Variants in PRKCE observed in about 807,000 individuals in gnomAD.
PRKCE encodes protein kinase C epsilon.
Under a neutral mutation model 85.4 loss-of-function variants are expected in PRKCE, and 16 were observed. That is an observed-to-expected ratio of 0.19 (90% CI 0.13 to 0.28). PRKCE has a LOEUF of 0.28. PRKCE is among the 10% of genes least tolerant of loss of function. The pLI is 1.00. For missense variants in PRKCE, 573 were observed against 975.2 expected, an observed-to-expected ratio of 0.59 and a Z score of 5.49; for synonymous variants, 388 against 371.5, an observed-to-expected ratio of 1.04 and a Z score of -0.51.
intron 2 of PRKCE, among the ~76,000 whole-genome samples, chr2:45,966,209 G>A (rs956617083): frequency 2.2e-4 from 34 of 152,132 alleles, no homozygotes; most frequent in African/African-American, 7.2e-4. Context: ...GAGGAAGTAT[G>A]TAAGATGCTT....
chr2:45,957,501 A>G (rs1165230437), intron 2 of PRKCE, among the ~76,000 whole-genome samples: 1 of 152,200 alleles, frequency 6.6e-6, no homozygotes, highest in Non-Finnish European at 1.5e-5. Flanking sequence ...AATGATAGGA[A>G]TGATGGTCTT....
chr2:45,801,045 A>C (rs764847197), intron 1 of PRKCE, among the ~76,000 whole-genome samples: 12 of 152,146 alleles, frequency 7.9e-5, no homozygotes, highest in Non-Finnish European at 1.5e-4. Context: ...CATTCCAGGC[A>C]GGGGGAACAG....
chr2:46,092,702 C>A (rs1186080220), intron 11 of PRKCE, among the ~76,000 whole-genome samples: 1 of 152,200 alleles, frequency 6.6e-6, no homozygotes, highest in Admixed American at 6.5e-5. Context: ...TGGGGTTGTA[C>A]TGAGGTCTCT....
chr2:46,148,318 ACAG>A (rs1213812318), intron 12 of PRKCE, among the ~76,000 whole-genome samples: 25 of 152,202 alleles, frequency 1.6e-4, no homozygotes, highest in African/African-American at 6.0e-4. Flanking sequence ...TCCACTGCCG[ACAG>A]TTAATTAGGA....
chr2:46,051,903 G>A (rs1708882488), intron 10 of PRKCE, among the ~76,000 whole-genome samples: 1 of 152,148 alleles, frequency 6.6e-6, no homozygotes, highest in Non-Finnish European at 1.5e-5. Context: ...GTGCACGAGA[G>A]CAGGGAAAAC....
At chr2:45,881,206 C>T (rs970918281) in intron 2 of PRKCE, among the ~76,000 whole-genome samples, 1 of 151,622 alleles carries the variant, frequency 6.6e-6, no homozygotes, top group African/African-American at 2.4e-5. Flanking sequence ...GAGCCTGCAG[C>T]TGGTATCTTA....
chr2:46,035,902 A>T (rs970662077), intron 10 of PRKCE, among the ~76,000 whole-genome samples: 1 of 152,248 alleles, frequency 6.6e-6, no homozygotes, highest in Non-Finnish European at 1.5e-5. Flanking sequence ...AGCTTCAAGT[A>T]GTGGCAGAAA....
At position 45,894,349 on chromosome 2, in the gene PRKCE, C is replaced by T. The variant is rs112856139; in HGVS notation, c.412+51286C>T. On this transcript the variant is annotated intron_variant, in intron 2 of 14. Coordinates refer to ENST00000306156, the MANE Select transcript of PRKCE (RefSeq NM_005400.3). ...TGAACACCTGGTTAATGCCAGGTAG[C>T]GACATCTTAAGGGAAAGGAAGTTGA... Among the ~76,000 whole-genome samples the T allele has an allele frequency of 5.8e-3, 884 of 151,448 alleles. 6 individuals carry two copies. Among genetic ancestry groups the T allele is most frequent in the African/African-American group, 0.019 (799 of 41,188 alleles).
At chr2:45,672,209 A>G (rs539763724) in intron 1 of PRKCE, among the ~76,000 whole-genome samples, 1 of 152,126 alleles carries the variant, frequency 6.6e-6, no homozygotes, top group South Asian at 2.1e-4. Flanking sequence ...TCATGCTTCC[A>G]TCATTCATCC....
At chr2:45,867,336 G>A (rs940007897) in intron 2 of PRKCE, among the ~76,000 whole-genome samples, 4 of 152,166 alleles carry the variant, frequency 2.6e-5, no homozygotes, top group Non-Finnish European at 5.9e-5. Context: ...TCGAACTTGA[G>A]ACAAACTGAA....
intron 1 of PRKCE, among the ~76,000 whole-genome samples, chr2:45,817,576 C>T (rs950358381): frequency 1.3e-5 from 2 of 152,072 alleles, no homozygotes; most frequent in Non-Finnish European, 2.9e-5. Context: ...CGCCTGTAGT[C>T]CCAGCTACTC....
intron 11 of PRKCE, among the ~76,000 whole-genome samples, chr2:46,108,342 C>G (rs1286199662): frequency 6.6e-6 from 1 of 152,204 alleles, no homozygotes; most frequent in African/African-American, 2.4e-5. Flanking sequence ...TTAATGAAAT[C>G]ATATCTTTTG....
intron 11 of PRKCE, among the ~76,000 whole-genome samples, chr2:46,124,789 T>A (rs77279782): frequency 6.6e-6 from 1 of 152,226 alleles, no homozygotes; most frequent in East Asian, 1.9e-4. Flanking sequence ...AGATCCTTAG[T>A]CACTGTGGGG....
intron 10 of PRKCE, among the ~76,000 whole-genome samples, chr2:46,055,527 T>G (rs1377680798): frequency 1.3e-5 from 2 of 152,262 alleles, no homozygotes; most frequent in African/African-American, 4.8e-5. Flanking sequence ...TGCAATAGGA[T>G]ACCCTTTGTC....
At chr2:45,767,044 A>C (rs1684967192) in intron 1 of PRKCE, among the ~76,000 whole-genome samples, 1 of 151,930 alleles carries the variant, frequency 6.6e-6, no homozygotes, top group African/African-American at 2.4e-5. Context: ...CAGTCTAAAA[A>C]AAAAAAAATA....
chr2:46,032,383 C>T (rs1477397187), intron 10 of PRKCE, among the ~76,000 whole-genome samples: 1 of 152,162 alleles, frequency 6.6e-6, no homozygotes, highest in Admixed American at 6.5e-5. Flanking sequence ...ATGGAATGAG[C>T]CCTGGCACCC....
rs139143647 is a variant in PRKCE, at chr2:45,731,195, C to T, written c.348+78747C>T. Among the ~76,000 whole-genome samples the T allele has an allele frequency of 5.9e-5, 9 of 152,200 alleles. No individual in the cohort carries two copies. The East Asian group carries it at 1.7e-3, about 29-fold the overall frequency. The stretch of plus-strand genomic sequence containing the variant: ...TGTTTAGAGAGGAAGATGGTTATTA[C>T]AGCTAGTGTCAGGAGAGCAAGGGGT... On this transcript the variant is annotated intron_variant, in intron 1 of 14. Coordinates refer to ENST00000306156, the MANE Select transcript of PRKCE (RefSeq NM_005400.3).
intron 1 of PRKCE, among the ~76,000 whole-genome samples, chr2:45,665,983 C>T (rs1204194963): frequency 6.6e-6 from 1 of 152,062 alleles, no homozygotes; most frequent in Non-Finnish European, 1.5e-5. Flanking sequence ...TGAGGGACCC[C>T]TTTCTAGGGC....
At chr2:45,731,120 G>C (rs973410474) in intron 1 of PRKCE, among the ~76,000 whole-genome samples, 3 of 152,214 alleles carry the variant, frequency 2.0e-5, no homozygotes, top group Admixed American at 6.5e-5. Context: ...TTTAGAGACT[G>C]GTGAGTTTAG....
Sources: gnomAD v4.1 joint callset for allele counts (sites outside exome capture counted in the v4.1 genomes callset) on GRCh38, gnomAD v4.1.1 for gene constraint, MANE v1.5 for transcripts, NCBI Gene and HGNC (gene_info 2026-07-23, HGNC 2026-07-21) for gene names.